The following ALOX5AP variants were observed in gnomAD, a reference collection of about 807,000 sequenced individuals.
ALOX5AP encodes arachidonate 5-lipoxygenase activating protein.
In ALOX5AP, 9 loss-of-function variants were observed where a neutral mutation model predicts 18.5. The ratio of observed to expected loss-of-function variants is 0.49; its 90% CI spans 0.29 to 0.85. The LOEUF (loss-of-function observed/expected upper bound fraction) is 0.85, where lower values mean the gene tolerates loss of function less well. Ranked by LOEUF, ALOX5AP falls within the 40% of genes least tolerant of loss-of-function variation. ALOX5AP has a pLI of 0.08. For missense variants in ALOX5AP, 172 were observed against 202.5 expected (o/e 0.85, Z 0.91); for synonymous variants, 81 against 78.6 (o/e 1.03, Z -0.16).
chr13:30,746,840 C>T (rs1161797428), intron 2 of ALOX5AP, among the ~76,000 whole-genome samples: 1 of 152,204 alleles, frequency 6.6e-6, no homozygotes, highest in African/African-American at 2.4e-5. Flanking sequence ...AGGTTGCATG[C>T]TCAAAATTTT....
chr13:30,723,752 A>T (rs937268902), intron 1 of ALOX5AP, among the ~76,000 whole-genome samples: 1 of 152,204 alleles, frequency 6.6e-6, no homozygotes, highest in African/African-American at 2.4e-5. Flanking sequence ...CTAACTAAAC[A>T]TCAAACATTT....
upstream of ALOX5AP, among the ~76,000 whole-genome samples, chr13:30,733,158 C>CAAA (rs34069656): frequency 5.5e-3 from 450 of 82,278 alleles, 6 homozygotes; most frequent in African/African-American, 0.016. Context: ...GACTCCGTCT[C>CAAA]AAAAAAAAAA....
chr13:30,721,610 C>T (rs962605387), intron 1 of ALOX5AP, among the ~76,000 whole-genome samples: 2 of 152,208 alleles, frequency 1.3e-5, no homozygotes, highest in African/African-American at 2.4e-5. Flanking sequence ...GCTGCTCTCC[C>T]TGTCTCTGTG....
At chr13:30,763,799 T>A (rs908880735) in intron 4 of ALOX5AP, 145 bp from the exon 5 acceptor site, 39 of 774,054 alleles carry the variant, frequency 5.0e-5, no homozygotes, top group Non-Finnish European at 7.4e-5. Context: ...ACCCTTCAAA[T>A]GAAGTAAATG....
At chr13:30,732,765 A>C (rs945970344), upstream of ALOX5AP, among the ~76,000 whole-genome samples, 3 of 152,152 alleles carry the variant, frequency 2.0e-5, no homozygotes, top group African/African-American at 7.2e-5. Context: ...TTGACATGCT[A>C]AGAGAAGCTG....
In ALOX5AP at chr13:30,740,179, C is replaced by T. The variant is rs1262877958; in HGVS notation, c.71-3881C>T. Among the ~76,000 whole-genome samples, 3 of 152,212 alleles carry T rather than the reference C, an allele frequency of 2.0e-5. No homozygotes were observed. In the East Asian group the frequency reaches 5.8e-4, roughly 29 times the overall value. Reference sequence around the variant, plus strand: ...GCTGTTCCTGAGATCCGGGCATCGACTCTGTTAGAATAATCTACGTATGAG... The same window carrying T: ...GCTGTTCCTGAGATCCGGGCATCGATTCTGTTAGAATAATCTACGTATGAG... On this transcript the variant is annotated intron_variant, in intron 1 of 4. Coordinates refer to ENST00000380490, the MANE Select transcript of ALOX5AP (RefSeq NM_001629.4).
intron 2 of ALOX5AP, among the ~76,000 whole-genome samples, chr13:30,747,031 T>C (rs778187362): frequency 4.6e-5 from 7 of 152,208 alleles, no homozygotes; most frequent in Non-Finnish European, 1.0e-4. Context: ...ACAGATACAC[T>C]AGCCAGTGTG....
chr13:30,730,865 G>A (rs144148105), upstream of ALOX5AP, among the ~76,000 whole-genome samples: 121 of 152,332 alleles, frequency 7.9e-4, no homozygotes, highest in Non-Finnish European at 1.0e-3. Flanking sequence ...GATCTCTGTT[G>A]ACAAATGGTT....
At chr13:30,759,642 C>A (rs1951924910) in intron 4 of ALOX5AP, among the ~76,000 whole-genome samples, 1 of 152,196 alleles carries the variant, frequency 6.6e-6, no homozygotes, top group Non-Finnish European at 1.5e-5. Context: ...TCCTCGTTGT[C>A]ATTTCTCCTC....
chr13:30,719,109 T>G (rs1233343604), intron 1 of ALOX5AP, among the ~76,000 whole-genome samples: 1 of 152,116 alleles, frequency 6.6e-6, no homozygotes, highest in African/African-American at 2.4e-5. Context: ...TGTCAGCTAG[T>G]TGTGCAATGA....
chr13:30,741,407 T>TC (rs61304637), intron 1 of ALOX5AP, among the ~76,000 whole-genome samples: 2 of 134,992 alleles, frequency 1.5e-5, no homozygotes, highest in Non-Finnish European at 3.4e-5. Flanking sequence ...TTTTTTTTTT[T>TC]CTTTTTGAGA....
At chr13:30,748,013 G>C (rs936561981) in intron 2 of ALOX5AP, among the ~76,000 whole-genome samples, 1 of 151,856 alleles carries the variant, frequency 6.6e-6, no homozygotes, top group African/African-American at 2.4e-5. Flanking sequence ...TCTGCCTTCC[G>C]GGCTTAAGCA....
At chr13:30,735,459 A>G (rs1007747289), upstream of ALOX5AP, 73 of 1,073,672 alleles carry the variant, frequency 6.8e-5, no homozygotes, top group East Asian at 9.5e-5. Context: ...AAAAAAAAAA[A>G]GGAAGAAGAA....
chr13:30,742,841 GGC>G (rs1951777811), intron 1 of ALOX5AP, among the ~76,000 whole-genome samples: 1 of 150,568 alleles, frequency 6.6e-6, no homozygotes, highest in Non-Finnish European at 1.5e-5. Flanking sequence ...GGGGAGAGGG[GGC>G]AGAGAGACCT....
intron 1 of ALOX5AP, chr13:30,742,420 A>G (rs926754371): frequency 6.6e-6 from 1 of 152,308 alleles, no homozygotes; most frequent in Non-Finnish European, 1.5e-5. Flanking sequence ...CAGAGTTTGA[A>G]GTCCCGGCTG....
intron 1 of ALOX5AP, among the ~76,000 whole-genome samples, chr13:30,736,095 C>A (rs1162746815): frequency 6.6e-6 from 1 of 152,206 alleles, no homozygotes; most frequent in African/African-American, 2.4e-5. Context: ...TTGAAGTTAC[C>A]AGTCATCTGC....
rs1223492463 is a variant in ALOX5AP, at chr13:30,760,311, G to A, written c.324-3633G>A. Among the ~76,000 whole-genome samples the A allele has an allele frequency of 2.0e-5, 3 of 152,070 alleles. No individual in the cohort carries two copies. The East Asian group carries it at 5.8e-4, about 29-fold the overall frequency. On this transcript the variant is annotated intron_variant, in intron 4 of 4. Transcript: ENST00000380490. ...GGCCACAGAGAGCTGAGCTGGGGTG[G>A]TCTCGAACTCCTGAACTCAAGCAAT...
At chr13:30,754,224 A>T (rs552570558) in intron 3 of ALOX5AP, among the ~76,000 whole-genome samples, 1 of 138,704 alleles carries the variant, frequency 7.2e-6, no homozygotes, top group South Asian at 2.3e-4. Flanking sequence ...GGGCAACAAG[A>T]GTGAAACTCC....
chr13:30,753,253 CCTT>C (rs1484902756), intron 3 of ALOX5AP, among the ~76,000 whole-genome samples: 7 of 152,214 alleles, frequency 4.6e-5, no homozygotes, highest in African/African-American at 1.2e-4. Context: ...ACGTGGCACT[CCTT>C]CTGTGCTGAG....
Sources: gnomAD v4.1 joint callset for allele counts (sites outside exome capture counted in the v4.1 genomes callset) on GRCh38, gnomAD v4.1.1 for gene constraint, MANE v1.5 for transcripts, NCBI Gene and HGNC (gene_info 2026-07-23, HGNC 2026-07-21) for gene names.